The following ASNS variants were observed in gnomAD, a reference collection of about 807,000 sequenced individuals.
ASNS encodes asparagine synthetase [glutamine-hydrolyzing].
A neutral mutation model predicts 62.6 loss-of-function variants in ASNS; 37 were observed. The ratio of observed to expected loss-of-function variants is 0.59; its 90% CI spans 0.45 to 0.78. The LOEUF is 0.78. Among genes scored for constraint, ASNS ranks in the 30% least tolerant of loss-of-function variants. ASNS has a pLI of 0.00. For missense variants in ASNS, 520 were observed against 682.4 expected (o/e 0.76, Z 2.65); for synonymous variants, 207 against 237.9 (o/e 0.87, Z 1.19).
the ASNS span, among the ~76,000 whole-genome samples, chr7:97,914,426 A>G: frequency 6.6e-6 from 1 of 152,204 alleles, no homozygotes; most frequent in Non-Finnish European, 1.5e-5. Context: ...GGCATTGACA[A>G]CTAGTGCAAA....
chr7:97,910,438 G>C, the ASNS span, among the ~76,000 whole-genome samples: 1 of 152,134 alleles, frequency 6.6e-6, no homozygotes, highest in Non-Finnish European at 1.5e-5. Flanking sequence ...ACCTGCAAGG[G>C]AAGCATTCAT....
At position 97,853,172 on chromosome 7, in the gene ASNS, G is replaced by A. The variant is rs61733327; in HGVS notation, c.1364C>T (p.Ser455Phe). ...GAGAATCTCTTTGGGTATCAGATTG[G>A]AATCCTCAAACGTCTCTCTCAGGAG... ...KHLLRETFED[S>F]NLIPKEILWR... The change falls in exon 12 of 13, where the codon TCC becomes TTC. Residue 455 changes from serine (S) to phenylalanine (F), a missense_variant. Transcript: ENST00000394308. 2,819 of 1,611,122 alleles carry A rather than the reference G, an allele frequency of 1.7e-3. 4 individuals are homozygous for A. Among genetic ancestry groups the A allele is most frequent in the Non-Finnish European group, 2.2e-3 (2,577 of 1,178,816 alleles).
At chr7:97,921,360 C>T in the ASNS span, among the ~76,000 whole-genome samples, 28 of 152,172 alleles carry the variant, frequency 1.8e-4, no homozygotes, top group Non-Finnish European at 3.5e-4. Context: ...AGGTCTCTGT[C>T]CCAACTATTC....
At chr7:97,889,927 C>CAAAAAAAAAAAAAAAAAAAAAAA in the ASNS span, among the ~76,000 whole-genome samples, 32 of 38,564 alleles carry the variant, frequency 8.3e-4, no homozygotes, top group Admixed American at 1.3e-3. Flanking sequence ...ATAATGAATA[C>CAAAAAAAAAAAAAAAAAAAAAAA]AAAAAAAAAA....
the ASNS span, among the ~76,000 whole-genome samples, chr7:97,907,007 T>C: frequency 6.6e-6 from 1 of 152,180 alleles, no homozygotes; most frequent in African/African-American, 2.4e-5. Context: ...AGTCTACCAA[T>C]TAAGGGTTAT....
At chr7:97,924,294 G>A in the ASNS span, among the ~76,000 whole-genome samples, 2 of 152,138 alleles carry the variant, frequency 1.3e-5, no homozygotes, top group South Asian at 2.1e-4. Context: ...TAGCACTTTC[G>A]GCCAGGGGGG....
the ASNS span, among the ~76,000 whole-genome samples, chr7:97,894,527 A>G: frequency 6.6e-6 from 1 of 150,572 alleles, no homozygotes; most frequent in Non-Finnish European, 1.5e-5. Context: ...TACAATCAGA[A>G]ATGAAAAAGG....
At chr7:97,921,706 C>G in the ASNS span, among the ~76,000 whole-genome samples, 40 of 152,314 alleles carry the variant, frequency 2.6e-4, no homozygotes, top group African/African-American at 8.4e-4. Context: ...AGGCTGGGCT[C>G]TCCTCCAAGG....
chr7:97,878,869 G>GCAT, the ASNS span, among the ~76,000 whole-genome samples: 1 of 151,686 alleles, frequency 6.6e-6, no homozygotes, highest in African/African-American at 2.4e-5. Context: ...AAAGCTGGAG[G>GCAT]CATCACGCTA....
chr7:97,868,944 C>T lies in ASNS; in HGVS notation c.213G>A (p.Trp71Ter). 6.2e-7 allele frequency: 1 copy of T among 1,614,176 alleles called. No homozygotes were observed. Among genetic ancestry groups the T allele is most frequent in the East Asian group, 2.2e-5 (1 of 44,882 alleles). The change falls in exon 3 of 13, where the codon TGG (tryptophan) becomes TGA (stop). Residue 71 changes from tryptophan (W) to a stop codon, truncating the protein, a stop_gained. Transcript: ENST00000394308. LOFTEE classifies it high-confidence loss of function. The part of the protein sequence containing the change: ...PIRVKKYPYL[W>*]LCYNGEIYNH... Reference sequence around the variant, plus strand: ...TGTAGATTTCACCATTGTAACAGAGCCACAAATACGGATATTTCTTCACTC... The same window carrying T: ...TGTAGATTTCACCATTGTAACAGAGTCACAAATACGGATATTTCTTCACTC...
At chr7:97,921,852 G>A in the ASNS span, among the ~76,000 whole-genome samples, 1 of 152,116 alleles carries the variant, frequency 6.6e-6, no homozygotes, top group Admixed American at 6.6e-5. Flanking sequence ...TCTAGACTTA[G>A]AGTGAATCTT....
the ASNS span, among the ~76,000 whole-genome samples, chr7:97,883,105 G>A: frequency 7.2e-5 from 11 of 152,158 alleles, no homozygotes; most frequent in African/African-American, 2.7e-4. Context: ...CATCTAAACA[G>A]ATTTAACTCC....
chr7:97,893,144 A>G, the ASNS span, among the ~76,000 whole-genome samples: 5 of 152,244 alleles, frequency 3.3e-5, no homozygotes, highest in Admixed American at 3.3e-4. Context: ...AGGCAAAGAG[A>G]GAGCTTGAGC....
At position 97,869,098 on chromosome 7, in the gene ASNS, C is replaced by T; in HGVS notation, c.59G>A (p.Ser20Asn). 6.2e-7 allele frequency: 1 copy of T among 1,614,218 alleles called. No homozygotes were observed. Among genetic ancestry groups the T allele is most frequent in the Non-Finnish European group, 8.5e-7 (1 of 1,180,048 alleles). ...SDDCLSVQCL[S>N]AMKIAHRGPD... ...ACCTCTGTGTGCAATCTTCATAGCA[C>T]TCAGACACTGAACAGAAAGGCAATC... is the stretch of plus-strand genomic sequence containing the variant. The change falls in exon 3 of 13, where the codon AGT becomes AAT. Residue 20 changes from serine to asparagine, a missense_variant. Transcript: ENST00000394308.
At chr7:97,924,132 G>T in the ASNS span, among the ~76,000 whole-genome samples, 1 of 150,848 alleles carries the variant, frequency 6.6e-6, no homozygotes, top group African/African-American at 2.4e-5. Flanking sequence ...AACACAGCCC[G>T]CACTCCACAA....
At chr7:97,884,985 G>A in the ASNS span, among the ~76,000 whole-genome samples, 9 of 152,180 alleles carry the variant, frequency 5.9e-5, no homozygotes, top group South Asian at 2.1e-4. Context: ...TGCAACCTCC[G>A]CCTCCCGGGT....
At chr7:97,906,672 G>T in the ASNS span, 1 of 156,944 alleles carries the variant, frequency 6.4e-6, no homozygotes, top group African/African-American at 2.4e-5. Context: ...ATTATTCTAG[G>T]TTCTCCAGAG....
upstream of ASNS, among the ~76,000 whole-genome samples, chr7:97,874,211 T>A (rs1436232195): frequency 6.6e-6 from 1 of 152,230 alleles, no homozygotes; most frequent in Non-Finnish European, 1.5e-5. Flanking sequence ...TTCAGCGATA[T>A]TTCTCCCATT....
chr7:97,873,272 A>G (rs1468378155), upstream of ASNS, among the ~76,000 whole-genome samples: 1 of 152,238 alleles, frequency 6.6e-6, no homozygotes, highest in Non-Finnish European at 1.5e-5. Flanking sequence ...ACACTCTTAA[A>G]TCGTATTTTA....
Sources: allele counts gnomAD v4.1 joint callset (sites outside exome capture counted in the v4.1 genomes callset), GRCh38; gene constraint gnomAD v4.1.1; transcripts MANE v1.5; gene names NCBI Gene and HGNC (gene_info 2026-07-23, HGNC 2026-07-21).